The following BIRC6 variants were observed in gnomAD, a reference collection of about 807,000 sequenced individuals.
BIRC6 encodes baculoviral IAP repeat containing 6, also known as dual E2 ubiquitin-conjugating enzyme/E3 ubiquitin-protein ligase BIRC6.
Under a neutral mutation model 503.3 loss-of-function variants are expected in BIRC6, and 98 were observed. The ratio of observed to expected loss-of-function variants is 0.19; its 90% confidence interval spans 0.17 to 0.23. The LOEUF is 0.23. Among genes scored for constraint, BIRC6 ranks in the 10% least tolerant of loss-of-function variants. The pLI is 1.00. For synonymous variants in BIRC6, 2,240 were observed against 2,078.7 expected (o/e 1.08, Z -2.11); for missense variants, 5,360 against 5,806.0 (o/e 0.92, Z 2.50).
rs748530876 is a variant in BIRC6, at chr2:32,482,383, G to C, written c.7543-46G>C. The C allele has an allele frequency of 5.7e-6, 9 of 1,587,640 alleles. No homozygotes were observed. The Middle Eastern group carries it at 5.0e-4, about 89-fold the overall frequency. On this transcript the variant is annotated intron_variant, in intron 38 of 73. Coordinates refer to ENST00000421745, the MANE Select transcript of BIRC6 (RefSeq NM_016252.4). ...GATAATGTAAATAACGTGTCATTCA[G>C]CCAAGAGGCAAAAATAAACCACAGT... is the stretch of plus-strand genomic sequence containing the variant.
intron 16 of BIRC6, among the ~76,000 whole-genome samples, chr2:32,440,315 C>T (rs1225244345): frequency 2.0e-5 from 3 of 152,150 alleles, no homozygotes; most frequent in Non-Finnish European, 4.4e-5. Context: ...TTCATATGCC[C>T]TCTGTTGGCA....
At chr2:32,360,547 A>G (rs1172008039) in intron 1 of BIRC6, among the ~76,000 whole-genome samples, 2 of 152,144 alleles carry the variant, frequency 1.3e-5, no homozygotes, top group African/African-American at 2.4e-5. Flanking sequence ...TCCTAACTAC[A>G]GTAGTTTTGT....
At chr2:32,366,764 T>A (rs1047296311) in intron 1 of BIRC6, among the ~76,000 whole-genome samples, 2 of 150,784 alleles carry the variant, frequency 1.3e-5, no homozygotes, top group African/African-American at 4.9e-5. Flanking sequence ...GGGAGGATTG[T>A]CTGAGGCCAG....
chr2:32,480,761 C>A (rs370208899), intron 37 of BIRC6, among the ~76,000 whole-genome samples: 13 of 150,010 alleles, frequency 8.7e-5, no homozygotes, highest in East Asian at 8.0e-4. Context: ...CCTGCTTCAG[C>A]CCCTGGAATA....
chr2:32,588,776 C>T (rs2061224577), intron 66 of BIRC6, among the ~76,000 whole-genome samples: 1 of 152,198 alleles, frequency 6.6e-6, no homozygotes, highest in African/African-American at 2.4e-5. Flanking sequence ...TAACATAATA[C>T]TTTAAATCTG....
In BIRC6 at chr2:32,482,453, T is replaced by C; in HGVS notation, c.7567T>C (p.Tyr2523His). 1 of 1,613,884 alleles carries C rather than the reference T, an allele frequency of 6.2e-7. No individual in the cohort carries two copies. Among genetic ancestry groups the C allele is most frequent in the Non-Finnish European group, 8.5e-7 (1 of 1,179,842 alleles). The change falls in exon 39 of 74, where the codon TAT becomes CAT. Residue 2523 changes from tyrosine (Y) to histidine (H), a missense_variant. By Grantham distance (83) the Tyr-to-His change is moderately conservative (BLOSUM62 2). This residue lies in a region of BIRC6 where 2,299 missense variants were observed against 2,267.2 expected (regional missense o/e 1.01). Coordinates refer to ENST00000421745, the MANE Select transcript of BIRC6 (RefSeq NM_016252.4). ...GCCAATAAGCAGTACATGGTATGAT[T>C]ATTGGGGTGCTGATTATGGGACCTA... ...FKPISSTWYD[Y>H]WGADYGTYNY...
intron 54 of BIRC6, among the ~76,000 whole-genome samples, chr2:32,513,505 G>T: frequency 6.6e-6 from 1 of 152,220 alleles, no homozygotes; most frequent in Non-Finnish European, 1.5e-5. Flanking sequence ...GGTGGGCATG[G>T]TGGCTCACAC....
intron 23 of BIRC6, among the ~76,000 whole-genome samples, chr2:32,457,939 G>T (rs2047424851): frequency 6.6e-6 from 1 of 151,838 alleles, no homozygotes; most frequent in Non-Finnish European, 1.5e-5. Flanking sequence ...TCTAATATCT[G>T]ATAATTACCT....
intron 50 of BIRC6, among the ~76,000 whole-genome samples, chr2:32,507,384 C>T (rs771552319): frequency 2.0e-5 from 3 of 152,072 alleles, no homozygotes; most frequent in Admixed American, 1.3e-4. Context: ...GAGCTAAGAT[C>T]GTGCCACTGC....
chr2:32,500,206 T>G (rs761684203), intron 46 of BIRC6, 97 bp downstream of exon 46: 6 of 1,125,686 alleles, frequency 5.3e-6, no homozygotes, highest in Non-Finnish European at 7.5e-6. Flanking sequence ...TACTTTATAG[T>G]GTAAAACTGC....
intron 3 of BIRC6, among the ~76,000 whole-genome samples, chr2:32,384,126 T>G (rs966549362): frequency 5.9e-5 from 9 of 152,198 alleles, no homozygotes; most frequent in Admixed American, 3.9e-4. Context: ...GAGTAAGACC[T>G]GTAGAGCTGA....
intron 23 of BIRC6, among the ~76,000 whole-genome samples, chr2:32,461,969 G>A (rs1378477798): frequency 2.0e-5 from 3 of 151,640 alleles, no homozygotes; most frequent in Middle Eastern, 3.2e-3. Flanking sequence ...CTTCACATAC[G>A]CTTTGGTTCT....
intron 65 of BIRC6, among the ~76,000 whole-genome samples, chr2:32,571,103 G>T (rs186410684): frequency 6.6e-6 from 1 of 152,002 alleles, no homozygotes; most frequent in Non-Finnish European, 1.5e-5. Context: ...GAACCACCAT[G>T]CCATTATTGT....
Position 32,469,381 on chromosome 2 carries a change from C to T in BIRC6, c.6128-14C>T, listed in dbSNP as rs751009708. 1 of 1,593,724 alleles carries T rather than the reference C, an allele frequency of 6.3e-7. No individual in the cohort carries two copies. Among genetic ancestry groups the T allele is most frequent in the East Asian group, 2.2e-5 (1 of 44,674 alleles). On this transcript the variant is annotated splice_polypyrimidine_tract_variant and intron_variant, in intron 29 of 73. Coordinates refer to ENST00000421745, the MANE Select transcript of BIRC6 (RefSeq NM_016252.4). ...TTTAAATAGGAAAGTTTACTGTTTT[C>T]TTTCTTGTAATAGGACACTCTGTTC... is the stretch of plus-strand genomic sequence containing the variant.
chr2:32,516,528 A>T (rs531899131), intron 55 of BIRC6, among the ~76,000 whole-genome samples: 44 of 151,564 alleles, frequency 2.9e-4, no homozygotes, highest in Admixed American at 8.5e-4. Flanking sequence ...AAAAAAAAAA[A>T]AAAAATGTGG....
chr2:32,547,587 C>T (rs1057393111), intron 63 of BIRC6, among the ~76,000 whole-genome samples: 10 of 152,258 alleles, frequency 6.6e-5, no homozygotes, highest in Admixed American at 1.3e-4. Context: ...ATCCATTCAT[C>T]GGTTGGCATC....
chr2:32,591,425 A>G (rs1157297114), intron 66 of BIRC6, among the ~76,000 whole-genome samples: 1 of 152,140 alleles, frequency 6.6e-6, no homozygotes, highest in Non-Finnish European at 1.5e-5. Flanking sequence ...TCTCTTACTA[A>G]TCTTCTTTTT....
At chr2:32,615,960 A>G (rs1433037003) in intron 73 of BIRC6, among the ~76,000 whole-genome samples, 1 of 152,068 alleles carries the variant, frequency 6.6e-6, no homozygotes, top group Non-Finnish European at 1.5e-5. Context: ...CTTTGGTGTG[A>G]TTATTTAAGG....
At chr2:32,483,937 C>T (rs1239973688) in intron 39 of BIRC6, among the ~76,000 whole-genome samples, 1 of 152,052 alleles carries the variant, frequency 6.6e-6, no homozygotes, top group Non-Finnish European at 1.5e-5. Flanking sequence ...ATTCTTTTCC[C>T]CTCTGTAAAA....
Sources: allele counts gnomAD v4.1 joint callset (sites outside exome capture counted in the v4.1 genomes callset), GRCh38; gene constraint gnomAD v4.1.1; regional missense constraint gnomAD v4.1.1; transcripts MANE v1.5; gene names NCBI Gene and HGNC (gene_info 2026-07-23, HGNC 2026-07-21).